The following ZNF385D variants were observed in gnomAD, a reference collection of about 807,000 sequenced individuals.
The protein encoded by ZNF385D is zinc finger protein 659.
In ZNF385D, 15 loss-of-function variants were observed where a neutral mutation model predicts 35.8. The ratio of observed to expected loss-of-function variants is 0.42; its 90% CI spans 0.28 to 0.64. ZNF385D has a LOEUF of 0.64. Among genes scored for constraint, ZNF385D ranks in the 30% least tolerant of loss-of-function variants. ZNF385D has a pLI of 0.23. For synonymous variants in ZNF385D, 212 were observed against 186.8 expected, an observed-to-expected ratio of 1.13 and a Z score of -1.10; for missense variants, 474 against 494.6, an observed-to-expected ratio of 0.96 and a Z score of 0.39.
chr3:21,853,235 G>T (rs1170498715), intron 3 of ZNF385D, among the ~76,000 whole-genome samples: 1 of 151,778 alleles, frequency 6.6e-6, no homozygotes, highest in East Asian at 1.9e-4. Context: ...TTTTCTTATT[G>T]TTGGCAAGAG....
chr3:21,684,667 T>C (rs1227267505), intron 1 of ZNF385D, among the ~76,000 whole-genome samples: 2 of 152,196 alleles, frequency 1.3e-5, no homozygotes, highest in African/African-American at 4.8e-5. Context: ...ATTTTTCTGA[T>C]GTTCTTATAA....
intron 2 of ZNF385D, among the ~76,000 whole-genome samples, chr3:22,312,650 AGT>A (rs1438373924): frequency 1.3e-5 from 2 of 152,212 alleles, no homozygotes; most frequent in African/African-American, 4.8e-5. Flanking sequence ...CACATGAAAA[AGT>A]GCTCATTATC....
intron 3 of ZNF385D, among the ~76,000 whole-genome samples, chr3:21,947,960 T>C (rs913977352): frequency 1.3e-5 from 2 of 152,184 alleles, no homozygotes; most frequent in Non-Finnish European, 2.9e-5. Context: ...ATACAATTAG[T>C]TCTTTGTTCT....
intron 3 of ZNF385D, among the ~76,000 whole-genome samples, chr3:22,026,518 T>G (rs978202946): frequency 6.6e-6 from 1 of 152,216 alleles, no homozygotes; most frequent in Admixed American, 6.5e-5. Flanking sequence ...TAGGGACTTA[T>G]GGAAGTCAGA....
chr3:21,521,822 GA>G (rs914818212), intron 3 of ZNF385D, among the ~76,000 whole-genome samples: 3 of 151,982 alleles, frequency 2.0e-5, no homozygotes, highest in Admixed American at 2.0e-4. Context: ...AAAAATACTA[GA>G]AAAAAATGTG....
At chr3:21,472,071 C>G (rs1044085274) in intron 4 of ZNF385D, among the ~76,000 whole-genome samples, 1 of 152,036 alleles carries the variant, frequency 6.6e-6, no homozygotes. Context: ...TTTTATGTTA[C>G]GCTCGTCAAT....
chr3:21,991,859 G>A (rs565062499), intron 3 of ZNF385D, among the ~76,000 whole-genome samples: 4 of 152,292 alleles, frequency 2.6e-5, no homozygotes, highest in Admixed American at 2.0e-4. Flanking sequence ...AGTGATATAT[G>A]AGTGAGTTAT....
chr3:22,080,387 T>G (rs1700686154), intron 3 of ZNF385D, among the ~76,000 whole-genome samples: 1 of 152,112 alleles, frequency 6.6e-6, no homozygotes, highest in African/African-American at 2.4e-5. Context: ...ACTTTTGTTT[T>G]TAGAGAAAGC....
At chr3:22,034,056 G>A (rs1231806087) in intron 3 of ZNF385D, among the ~76,000 whole-genome samples, 3 of 152,142 alleles carry the variant, frequency 2.0e-5, no homozygotes, top group Admixed American at 2.0e-4. Context: ...AACCGAGATG[G>A]TTAACCATCT....
intron 2 of ZNF385D, among the ~76,000 whole-genome samples, chr3:21,639,205 AT>A (rs1313343787): frequency 1.3e-5 from 2 of 151,798 alleles, no homozygotes; most frequent in African/African-American, 2.4e-5. Flanking sequence ...TCCCTGCTTT[AT>A]TTTTTTTCCA....
intron 2 of ZNF385D, among the ~76,000 whole-genome samples, chr3:22,195,111 C>T (rs1358420571): frequency 6.6e-6 from 1 of 151,752 alleles, no homozygotes; most frequent in Non-Finnish European, 1.5e-5. Context: ...TCCAATTGCT[C>T]CCCATTGTCA....
intron 1 of ZNF385D, among the ~76,000 whole-genome samples, chr3:21,717,702 CT>C (rs1362038094): frequency 6.6e-6 from 1 of 152,120 alleles, no homozygotes; most frequent in Non-Finnish European, 1.5e-5. Flanking sequence ...CTCATGAGAT[CT>C]GATAGTTTTA....
chr3:22,236,467 G>C (rs374378923), intron 2 of ZNF385D, among the ~76,000 whole-genome samples: 1 of 152,116 alleles, frequency 6.6e-6, no homozygotes, highest in African/African-American at 2.4e-5. Flanking sequence ...AAGTCATCGA[G>C]ATTACAGGCA....
intron 4 of ZNF385D, among the ~76,000 whole-genome samples, chr3:21,480,503 C>T (rs1168110534): frequency 1.3e-5 from 2 of 152,074 alleles, no homozygotes; most frequent in African/African-American, 4.8e-5. Flanking sequence ...CCTCCTGTCA[C>T]TCAATATCAA....
chr3:22,193,618 G>A (rs1000552085), intron 2 of ZNF385D, among the ~76,000 whole-genome samples: 56 of 151,980 alleles, frequency 3.7e-4, no homozygotes, highest in African/African-American at 1.3e-3. Flanking sequence ...TTTGACCACT[G>A]AACTCTTTTA....
intron 3 of ZNF385D, among the ~76,000 whole-genome samples, chr3:21,962,189 T>C (rs990826706): frequency 3.3e-5 from 5 of 151,962 alleles, no homozygotes; most frequent in Admixed American, 6.6e-5. Context: ...TGGGAAGAGA[T>C]GATTATGTAT....
At chr3:22,158,807 T>C (rs775035829) in intron 3 of ZNF385D, among the ~76,000 whole-genome samples, 5 of 151,640 alleles carry the variant, frequency 3.3e-5, no homozygotes, top group Non-Finnish European at 7.4e-5. Context: ...TTCAAAAGGG[T>C]GGGCCTCAGA....
At chr3:21,799,057 C>G in intron 3 of ZNF385D, among the ~76,000 whole-genome samples, 1 of 152,114 alleles carries the variant, frequency 6.6e-6, no homozygotes, top group East Asian at 1.9e-4. Context: ...CTATACAGTA[C>G]GTGACCTTTT....
chr3:21,796,313 C>A (rs1416136020), intron 3 of ZNF385D, among the ~76,000 whole-genome samples: 1 of 151,966 alleles, frequency 6.6e-6, no homozygotes, highest in Non-Finnish European at 1.5e-5. Flanking sequence ...TATCCTTATA[C>A]TAAAACCCAA....
Sources: allele counts gnomAD v4.1 joint callset (sites outside exome capture counted in the v4.1 genomes callset), GRCh38; gene constraint gnomAD v4.1.1; transcripts MANE v1.5; gene names NCBI Gene and HGNC (gene_info 2026-07-23, HGNC 2026-07-21).